Variants in HIBADH observed in about 807,000 individuals in gnomAD.
HIBADH encodes the protein 3-hydroxyisobutyrate dehydrogenase, also known as 3-hydroxyisobutyrate dehydrogenase, mitochondrial.
A neutral mutation model predicts 36.1 loss-of-function variants in HIBADH; 25 were observed. The observed-to-expected ratio is 0.69, with a 90% confidence interval of 0.50 to 0.97. The LOEUF (loss-of-function observed/expected upper bound fraction) is 0.97. Among genes scored for constraint, HIBADH ranks in the 50% least tolerant of loss-of-function variants. The pLI is 0.00. For synonymous variants in HIBADH, 160 were observed against 149.5 expected, an observed-to-expected ratio of 1.07 and a Z score of -0.51; for missense variants, 421 against 418.0, an observed-to-expected ratio of 1.01 and a Z score of -0.06.
Position 27,629,481 on chromosome 7 carries a change from T to A in HIBADH, c.374A>T (p.Lys125Met), listed in dbSNP as rs777600982. The change falls in exon 4 of 8, where the codon AAG (lysine) becomes ATG (methionine). Residue 125 changes from lysine to methionine, a missense_variant. By Grantham distance (95) the Lys-to-Met change is moderately conservative. Transcript: ENST00000265395. Reference sequence around the variant, plus strand: ...GCTGGAATCTATTAATAATGAGCCCTTCTTCACTTTTCTAAGTAAATAAAT... The same window carrying A: ...GCTGGAATCTATTAATAATGAGCCCATCTTCACTTTTCTAAGTAAATAAAT... ...GANGILKKVK[K>M]GSLLIDSSTI... is the part of the protein sequence containing the mutation. 6.4e-7 allele frequency: 1 copy of A among 1,574,188 alleles called. No homozygotes were observed. Among genetic ancestry groups the A allele is most frequent in the African/African-American group, 1.4e-5 (1 of 73,704 alleles).
chr7:27,652,548 C>A lies in HIBADH; in HGVS notation c.92-2915G>T, dbSNP rs772160851. Among the ~76,000 whole-genome samples, 4 of 152,320 alleles carry A rather than the reference C, an allele frequency of 2.6e-5. No individual in the cohort carries two copies. The South Asian group carries it at 6.2e-4, about 24-fold the overall frequency. On this transcript the variant is annotated intron_variant, in intron 1 of 7. Transcript: ENST00000265395. ...CCTCTAGATGCCTTAGTTTGAGCTA[C>A]TATAACAAATATACCATAATGGCTT...
Position 27,632,320 on chromosome 7 carries a change from G to GT in HIBADH, c.362+15_362+16insA. On this transcript the variant is annotated intron_variant, in intron 3 of 7. Transcript: ENST00000265395. Reference sequence around the variant, plus strand: ...CTATCATAACAAGAAAATATCCACAGGTGAGAAATACATACTTTAGAATCC... The same window carrying GT: ...CTATCATAACAAGAAAATATCCACAGTGTGAGAAATACATACTTTAGAATCC... 1 of 1,452,944 alleles carries GT rather than the reference G, an allele frequency of 6.9e-7. No individual in the cohort carries two copies. Among genetic ancestry groups the GT allele is most frequent in the Non-Finnish European group, 9.7e-7 (1 of 1,034,144 alleles). 90.0% of individuals were successfully genotyped at this position (1,452,944 alleles called of 1,614,324 possible).
intron 4 of HIBADH, among the ~76,000 whole-genome samples, chr7:27,557,516 T>C (rs1371059499): frequency 6.6e-6 from 1 of 152,196 alleles, no homozygotes; most frequent in Admixed American, 6.5e-5. Flanking sequence ...CAGAAATGTA[T>C]TTTTTCACAG....
chr7:27,649,400 G>A, intron 2 of HIBADH, 73 bp downstream of exon 2: 2 of 1,211,038 alleles, frequency 1.7e-6, no homozygotes, highest in Non-Finnish European at 2.3e-6. Flanking sequence ...CTTCTAAGAA[G>A]CTGTCACTTA....
chr7:27,612,174 T>C (rs997763659), intron 4 of HIBADH, among the ~76,000 whole-genome samples: 16 of 152,186 alleles, frequency 1.1e-4, no homozygotes, highest in Non-Finnish European at 2.4e-4. Flanking sequence ...GCTGTCAGCA[T>C]AATACAGAAG....
At chr7:27,641,341 G>A (rs1785957680) in intron 2 of HIBADH, among the ~76,000 whole-genome samples, 1 of 152,074 alleles carries the variant, frequency 6.6e-6, no homozygotes, top group Non-Finnish European at 1.5e-5. Context: ...TTGGGGGATG[G>A]GCTTGTTTTC....
At chr7:27,534,405 A>C (rs1471770625) in intron 6 of HIBADH, among the ~76,000 whole-genome samples, 1 of 152,168 alleles carries the variant, frequency 6.6e-6, no homozygotes, top group African/African-American at 2.4e-5. Context: ...CAGATCTGCT[A>C]TATCCAAGTG....
chr7:27,555,070 T>G (rs1315884323), intron 4 of HIBADH, among the ~76,000 whole-genome samples: 1 of 152,168 alleles, frequency 6.6e-6, no homozygotes, highest in Non-Finnish European at 1.5e-5. Flanking sequence ...AGAGTTTGAA[T>G]GCCATGTGAC....
At chr7:27,580,016 C>G (rs1228045401) in intron 4 of HIBADH, among the ~76,000 whole-genome samples, 1 of 152,136 alleles carries the variant, frequency 6.6e-6, no homozygotes, top group Non-Finnish European at 1.5e-5. Context: ...TCTGTTTGAA[C>G]AGCCACACTT....
chr7:27,632,536 T>C, intron 2 of HIBADH, 91 bp from the exon 3 acceptor site: 1 of 648,298 alleles, frequency 1.5e-6, no homozygotes, highest in Admixed American at 2.3e-5. Flanking sequence ...TGCATGCCTA[T>C]AACAGTGACA....
chr7:27,599,882 C>T (rs993926097), intron 4 of HIBADH, among the ~76,000 whole-genome samples: 4 of 149,952 alleles, frequency 2.7e-5, no homozygotes, highest in African/African-American at 9.8e-5. Context: ...CTTATAATCA[C>T]ACAAAAAATT....
intron 4 of HIBADH, among the ~76,000 whole-genome samples, chr7:27,625,623 T>C (rs1244397805): frequency 6.6e-6 from 1 of 152,148 alleles, no homozygotes; most frequent in Non-Finnish European, 1.5e-5. Flanking sequence ...AGGGGGTACG[T>C]ATTAGTTCAA....
In HIBADH at chr7:27,629,366, C is replaced by T. The variant is rs1298671096; in HGVS notation, c.484+5G>A. Reference sequence around the variant, plus strand: ...AGGTTTGCATATATTTTAGCTACCACTTACCACCAGAAACAGGGGCATCCA... The same window carrying T: ...AGGTTTGCATATATTTTAGCTACCATTTACCACCAGAAACAGGGGCATCCA... On this transcript the variant is annotated splice_donor_5th_base_variant and intron_variant, in intron 4 of 7. Coordinates refer to ENST00000265395, the MANE Select transcript of HIBADH (RefSeq NM_152740.4). The T allele has an allele frequency of 1.2e-6, 2 of 1,608,822 alleles. No homozygotes were observed. Among genetic ancestry groups the T allele is most frequent in the East Asian group, 4.5e-5 (2 of 44,682 alleles).
chr7:27,646,674 A>G (rs1786077160), intron 2 of HIBADH, among the ~76,000 whole-genome samples: 1 of 146,036 alleles, frequency 6.8e-6, no homozygotes, highest in African/African-American at 2.5e-5. Context: ...ACAGGCACAC[A>G]CAACCACGCC....
chr7:27,603,419 A>G (rs1009615626), intron 4 of HIBADH, among the ~76,000 whole-genome samples: 2 of 152,092 alleles, frequency 1.3e-5, no homozygotes, highest in Admixed American at 1.3e-4. Context: ...TGTGCTCCTA[A>G]GGGATATAAA....
At chr7:27,662,224 ATCCCCTCGGACT>A (rs1377055163) in intron 1 of HIBADH, among the ~76,000 whole-genome samples, 15 of 152,172 alleles carry the variant, frequency 9.9e-5, no homozygotes, top group Admixed American at 7.9e-4. Context: ...TAATAAGGCC[ATCCCCTCGGACT>A]CAGGTGGTTA....
At chr7:27,590,829 C>T (rs1460586292) in intron 4 of HIBADH, among the ~76,000 whole-genome samples, 2 of 152,096 alleles carry the variant, frequency 1.3e-5, no homozygotes, top group Non-Finnish European at 2.9e-5. Context: ...CTTTCTTATA[C>T]CATTTAAGAA....
intron 4 of HIBADH, among the ~76,000 whole-genome samples, chr7:27,570,278 C>T (rs1784610000): frequency 2.0e-5 from 3 of 152,170 alleles, no homozygotes; most frequent in Admixed American, 1.3e-4. Flanking sequence ...TTAACCACAA[C>T]TGGAACCTAC....
At chr7:27,597,446 TA>T (rs11289715) in intron 4 of HIBADH, among the ~76,000 whole-genome samples, 110,505 of 148,102 alleles carry the variant, frequency 0.75, 41,122 homozygotes, top group East Asian at 0.94. Flanking sequence ...ATAGACTCAG[TA>T]AAAAAAAAAA....
Sources: allele counts gnomAD v4.1 joint callset (sites outside exome capture counted in the v4.1 genomes callset), GRCh38; gene constraint gnomAD v4.1.1; transcripts MANE v1.5; gene names NCBI Gene and HGNC (gene_info 2026-07-23, HGNC 2026-07-21).